The following ATRN variants were observed in gnomAD, a reference collection of about 807,000 sequenced individuals.
ATRN encodes attractin-2.
Under a neutral mutation model 178.7 loss-of-function variants are expected in ATRN, and 54 were observed. That is an observed-to-expected ratio of 0.30 (90% CI 0.24 to 0.38). The LOEUF (loss-of-function observed/expected upper bound fraction) is 0.38, where lower values mean the gene tolerates loss of function less well. Ranked by LOEUF, ATRN falls within the 10% of genes least tolerant of loss-of-function variation. ATRN has a pLI of 1.00. For synonymous variants in ATRN, 636 were observed against 663.0 expected (o/e 0.96, Z 0.63); for missense variants, 1,443 against 1,815.1 (o/e 0.79, Z 3.73).
chr20:3,552,085 G>A (rs750978617), intron 6 of ATRN, among the ~76,000 whole-genome samples: 3 of 151,908 alleles, frequency 2.0e-5, no homozygotes, highest in Non-Finnish European at 4.4e-5. Context: ...TTCTTTAGTT[G>A]GCTTCTAGGA....
intron 25 of ATRN, among the ~76,000 whole-genome samples, chr20:3,630,674 CGAG>C (rs997701314): frequency 6.6e-6 from 1 of 152,112 alleles, no homozygotes; most frequent in Admixed American, 6.5e-5. Flanking sequence ...CAGAATAAGT[CGAG>C]GAAGTACTTT....
intron 1 of ATRN, among the ~76,000 whole-genome samples, chr20:3,513,958 T>G (rs2085172370): frequency 3.3e-5 from 5 of 152,196 alleles, no homozygotes; most frequent in Admixed American, 3.3e-4. Flanking sequence ...CCTGAGAGTT[T>G]GCTGAAGTTG....
At chr20:3,513,988 T>A (rs1212299435) in intron 1 of ATRN, among the ~76,000 whole-genome samples, 1 of 152,144 alleles carries the variant, frequency 6.6e-6, no homozygotes, top group Non-Finnish European at 1.5e-5. Context: ...TTAAGGAGAT[T>A]TTGGGCTGAG....
intron 1 of ATRN, among the ~76,000 whole-genome samples, chr20:3,498,051 C>T (rs577202044): frequency 2.3e-3 from 350 of 152,278 alleles, no homozygotes; most frequent in African/African-American, 8.1e-3. Flanking sequence ...ATACTACAAA[C>T]ACCTCTACGC....
chr20:3,583,285 C>A (rs1310910528), intron 16 of ATRN, among the ~76,000 whole-genome samples: 1 of 152,190 alleles, frequency 6.6e-6, no homozygotes, highest in Non-Finnish European at 1.5e-5. Flanking sequence ...GATTGTAAAA[C>A]CCCTAAAGTT....
chr20:3,525,476 G>A (rs2085351562), intron 1 of ATRN, among the ~76,000 whole-genome samples: 2 of 152,178 alleles, frequency 1.3e-5, no homozygotes, highest in African/African-American at 4.8e-5. Context: ...GAGGTACAAA[G>A]AGGAGCTGGT....
chr20:3,619,955 CA>C (rs1287252425), intron 24 of ATRN, among the ~76,000 whole-genome samples: 2 of 152,176 alleles, frequency 1.3e-5, no homozygotes, highest in African/African-American at 4.8e-5. Context: ...GGACACCCTA[CA>C]TTCCCAGGCA....
chr20:3,597,697 C>T (rs993054539), intron 21 of ATRN, among the ~76,000 whole-genome samples: 2 of 152,144 alleles, frequency 1.3e-5, no homozygotes, highest in Non-Finnish European at 2.9e-5. Flanking sequence ...AACTGGACAA[C>T]TGGTCATTTC....
chr20:3,567,764 T>G (rs1319929306), intron 11 of ATRN, among the ~76,000 whole-genome samples: 2 of 152,176 alleles, frequency 1.3e-5, no homozygotes, highest in Admixed American at 6.5e-5. Flanking sequence ...GAGATGGCTG[T>G]GACATACCAA....
rs1289979175 is a variant in ATRN, at chr20:3,563,377, A to C, written c.1786+14A>C. On this transcript the variant is annotated intron_variant, in intron 10 of 28. Coordinates refer to ENST00000262919, the MANE Select transcript of ATRN (RefSeq NM_139321.3). ...CCTATGACATTGGTAAGTTTCCCAA[A>C]ACCATTTTCTCTTCAGGCATCTTTT... 1.5e-5 allele frequency: 24 copies of C among 1,610,262 alleles called. No homozygotes were observed. Among genetic ancestry groups the C allele is most frequent in the Non-Finnish European group, 2.0e-5 (23 of 1,177,192 alleles).
chr20:3,581,917 T>C (rs559743367), intron 15 of ATRN, among the ~76,000 whole-genome samples: 39 of 152,256 alleles, frequency 2.6e-4, no homozygotes, highest in Admixed American at 1.2e-3. Context: ...TGGTGGTTTT[T>C]ATCTAGAAGC....
intron 22 of ATRN, among the ~76,000 whole-genome samples, chr20:3,598,678 A>C (rs2086565234): frequency 6.6e-6 from 1 of 152,252 alleles, no homozygotes; most frequent in Admixed American, 6.5e-5. Context: ...GACATTTAAA[A>C]CTGAAACATA....
intron 1 of ATRN, among the ~76,000 whole-genome samples, chr20:3,501,363 T>C (rs1450395391): frequency 2.0e-5 from 3 of 152,200 alleles, no homozygotes; most frequent in Non-Finnish European, 4.4e-5. Flanking sequence ...CTAGGTAGCA[T>C]TGAGCACTTC....
intron 1 of ATRN, among the ~76,000 whole-genome samples, chr20:3,505,244 C>T (rs1371983717): frequency 6.6e-6 from 1 of 152,208 alleles, no homozygotes; most frequent in Admixed American, 6.5e-5. Context: ...AGCTGTGACA[C>T]CTGTCTTCTC....
At position 3,645,435 on chromosome 20, in the gene ATRN, C is replaced by T. The variant is rs1410637536; in HGVS notation, c.4165+1167C>T. ...TGTGTTGAGGACAGGACAACTCTCT[C>T]GTCTGTCACTCAAGTGCAGTTTGTG... On this transcript the variant is annotated intron_variant, in intron 28 of 28. Coordinates refer to ENST00000262919, the MANE Select transcript of ATRN (RefSeq NM_139321.3). The surrounding 1 kb of genome is among the most constrained non-coding windows in gnomAD (Gnocchi z 4.7). Among the ~76,000 whole-genome samples, 2 of 152,232 alleles carry T rather than the reference C, an allele frequency of 1.3e-5. No individual in the cohort carries two copies. The highest frequency in any genetic ancestry group is 1.9e-4 in the East Asian group (1 of 5,200).
intron 18 of ATRN, among the ~76,000 whole-genome samples, chr20:3,587,042 A>G (rs965683448): frequency 1.3e-5 from 2 of 152,170 alleles, no homozygotes; most frequent in African/African-American, 4.8e-5. Context: ...TTCTTTGGAG[A>G]AATATTTAGT....
chr20:3,651,014 G>A lies in ATRN; in HGVS notation c.*4167G>A, dbSNP rs1476885618. ...TTTAAGCAGGAACAAGAGAACTAAG[G>A]GAGGTCTGTGCATTTTAAACACAAA... On this transcript the variant is annotated 3_prime_UTR_variant, in exon 29 of 29. Transcript: ENST00000262919. The A allele has an allele frequency of 2.6e-5, 4 of 152,500 alleles. No homozygotes were observed. In the East Asian group the frequency reaches 7.7e-4, roughly 29 times the overall value. The allele number at this position is 152,500 out of a possible 1,614,324, so 9.4% of individuals were successfully genotyped here. A position where few individuals can be genotyped will look rare whatever the true frequency, so the allele number is the denominator to read the frequency against.
intron 1 of ATRN, among the ~76,000 whole-genome samples, chr20:3,485,610 GTTTTTTTTTTTTTTTT>G (rs3084238): frequency 1.0e-4 from 7 of 67,898 alleles, no homozygotes; most frequent in Admixed American, 3.9e-4. Context: ...TTTTTTTGAG[GTTTTTTTTTTTTTTTT>G]TTTTTTTTTT....
At chr20:3,635,728 G>A (rs560174610) in intron 26 of ATRN, among the ~76,000 whole-genome samples, 2 of 152,118 alleles carry the variant, frequency 1.3e-5, no homozygotes, top group Non-Finnish European at 2.9e-5. Context: ...CAGGATATGG[G>A]CCTCTTGTTG....
Sources: allele counts gnomAD v4.1 joint callset (sites outside exome capture counted in the v4.1 genomes callset), GRCh38; gene constraint gnomAD v4.1.1; non-coding constraint Gnocchi (gnomAD v3.1); transcripts MANE v1.5; gene names NCBI Gene and HGNC (gene_info 2026-07-23, HGNC 2026-07-21).